The following RHOBTB2 variants were observed in gnomAD, a reference collection of about 807,000 sequenced individuals.
The protein encoded by RHOBTB2 is Rho related BTB domain containing 2.
RHOBTB2 carries 39 observed loss-of-function variants against 66.5 expected under a neutral mutation model. The ratio of observed to expected loss-of-function variants is 0.59; its 90% CI spans 0.45 to 0.77. The LOEUF (loss-of-function observed/expected upper bound fraction) is 0.77, where lower values mean the gene tolerates loss of function less well. Among genes scored for constraint, RHOBTB2 ranks in the 30% least tolerant of loss-of-function variants. RHOBTB2 has a pLI of 0.00. For missense variants in RHOBTB2, 755 were observed against 999.1 expected, an observed-to-expected ratio of 0.76 and a Z score of 3.29; for synonymous variants, 390 against 395.0, an observed-to-expected ratio of 0.99 and a Z score of 0.15.
chr8:22,963,906 C>A, the RHOBTB2 span, among the ~76,000 whole-genome samples: 2 of 151,972 alleles, frequency 1.3e-5, no homozygotes, highest in East Asian at 3.9e-4. Context: ...CTCAGCCTCC[C>A]GAGTAGCTGG....
the RHOBTB2 span, among the ~76,000 whole-genome samples, chr8:22,962,445 C>T: frequency 2.6e-5 from 4 of 152,104 alleles, no homozygotes; most frequent in Admixed American, 2.0e-4. Flanking sequence ...AGGCATTCAC[C>T]GCTTTGAGGA....
chr8:22,970,255 C>T, the RHOBTB2 span, among the ~76,000 whole-genome samples: 5 of 152,150 alleles, frequency 3.3e-5, no homozygotes, highest in East Asian at 1.9e-4. Flanking sequence ...TGCATCCTCA[C>T]GCGGCAGAAG....
chr8:23,007,238 C>T lies in RHOBTB2; in HGVS notation c.993C>T (p.His331=). ...CTGATCAACACCACCACCATCACCACCACCACCATGGGCGAGACTTCCTGC... is the reference window on the plus strand; with the variant it reads ...CTGATCAACACCACCACCATCACCATCACCACCATGGGCGAGACTTCCTGC... ...GHSDQHHHHH[H]HHHGRDFLLR... The change falls in exon 5 of 10, where the codon CAC becomes CAT. Residue 331 remains histidine (H), a synonymous_variant. Coordinates refer to ENST00000251822, the MANE Select transcript of RHOBTB2 (RefSeq NM_015178.3). 1 of 1,610,768 alleles carries T rather than the reference C, an allele frequency of 6.2e-7. No homozygotes were observed. The highest frequency in any genetic ancestry group is 8.5e-7 in the Non-Finnish European group (1 of 1,179,766).
chr8:22,982,745 C>T (rs1431880480), upstream of RHOBTB2, among the ~76,000 whole-genome samples: 2 of 152,210 alleles, frequency 1.3e-5, no homozygotes, highest in African/African-American at 4.8e-5. Context: ...TTATTCCATT[C>T]AGGCTGCTAT....
At chr8:22,995,950 G>C, upstream of RHOBTB2, 1 of 1,448,604 alleles carries the variant, frequency 6.9e-7, no homozygotes, top group Non-Finnish European at 9.5e-7. Context: ...CAGGTTGGAG[G>C]ATGGACTGAG....
rs747558024 is a variant in RHOBTB2 at position 23,017,378 on chromosome 8, A to G, written c.2093A>G (p.Lys698Arg). The G allele has an allele frequency of 1.1e-5, 18 of 1,614,026 alleles. No homozygotes were observed. Among genetic ancestry groups the G allele is most frequent in the Non-Finnish European group, 1.5e-5 (18 of 1,180,018 alleles). ...EDYLHLKRQPKRRWLFWNSPS... is the reference protein window; with the variant it reads ...EDYLHLKRQPRRRWLFWNSPS... ...TACCTCCACCTCAAGCGGCAGCCCA[A>G]ACGGCGTTGGCTCTTCTGGAACAGT... Residue 698 changes from lysine (K) to arginine (R), a missense_variant, in exon 10 of 10, where the codon AAA (lysine) becomes AGA (arginine). By Grantham distance (26) the Lys-to-Arg change is conservative (BLOSUM62 2). Around this residue, in one of 7 missense-constraint regions of RHOBTB2, gnomAD observed 353 missense variants for 458.2 expected, o/e 0.77. Transcript: ENST00000251822. This position sits in a 1 kb window ranked among gnomAD's most constrained non-coding sequence, Gnocchi z 5.3.
the RHOBTB2 span, among the ~76,000 whole-genome samples, chr8:22,951,524 T>C: frequency 8.8e-4 from 134 of 152,260 alleles, no homozygotes; most frequent in African/African-American, 3.0e-3. Flanking sequence ...TTATAGGTTT[T>C]GGGATAGGCG....
chr8:22,964,973 C>T, the RHOBTB2 span, among the ~76,000 whole-genome samples: 16 of 151,896 alleles, frequency 1.1e-4, no homozygotes, highest in East Asian at 1.9e-4. Flanking sequence ...CCCACCACCA[C>T]GCCAGGCTAA....
At chr8:22,979,742 C>CTTTTTTTTTT in the RHOBTB2 span, among the ~76,000 whole-genome samples, 27 of 84,092 alleles carry the variant, frequency 3.2e-4, no homozygotes, top group African/African-American at 6.9e-4. Flanking sequence ...TCTTTTCTTT[C>CTTTTTTTTTT]TTTTTTTTTT....
Position 23,006,659 on chromosome 8 carries a change from G to C in RHOBTB2, c.483-69G>C. Reference sequence around the variant, plus strand: ...CCAGATCCTGAGCAGAGTCCCTCCAGCCTGTGGAAGAACAGGCAGCCTCCC... The same window carrying C: ...CCAGATCCTGAGCAGAGTCCCTCCACCCTGTGGAAGAACAGGCAGCCTCCC... On this transcript the variant is annotated intron_variant, in intron 4 of 9. Transcript: ENST00000251822. The surrounding 1 kb of genome is among the most constrained non-coding windows in gnomAD (Gnocchi z 6.1). 1.4e-6 allele frequency: 2 copies of C among 1,472,276 alleles called. No individual in the cohort carries two copies. The highest frequency in any genetic ancestry group is 4.6e-5 in the East Asian group (2 of 43,902). The allele number at this position is 1,472,276 out of a possible 1,614,324, so 91.2% of individuals were successfully genotyped here. A position where few individuals can be genotyped will look rare whatever the true frequency, so the allele number is the denominator to read the frequency against.
At position 23,006,848 on chromosome 8, in the gene RHOBTB2, C is replaced by T; in HGVS notation, c.603C>T (p.Asp201=). 1 of 1,614,108 alleles carries T rather than the reference C, an allele frequency of 6.2e-7. No individual in the cohort carries two copies. Among genetic ancestry groups the T allele is most frequent in the Non-Finnish European group, 8.5e-7 (1 of 1,179,996 alleles). Residue 201 remains aspartate, a synonymous_variant, in exon 5 of 10, where the codon GAC becomes GAT. Coordinates refer to ENST00000251822, the MANE Select transcript of RHOBTB2 (RefSeq NM_015178.3). This position sits in a 1 kb window ranked among gnomAD's most constrained non-coding sequence, Gnocchi z 6.1. ...VAQFGIKDVF[D]NAIRAALISR... is the part of the protein sequence containing the mutation. The stretch of plus-strand genomic sequence containing the variant: ...AGTTCGGCATCAAGGACGTCTTTGA[C>T]AACGCCATCCGAGCTGCACTCATCT...
chr8:22,994,613 C>T, upstream of RHOBTB2: 3 of 1,551,506 alleles, frequency 1.9e-6, no homozygotes, highest in Non-Finnish European at 2.6e-6. Context: ...GCCCCGATGG[C>T]CCCCAGAAGA....
intron 7 of RHOBTB2, among the ~76,000 whole-genome samples, chr8:23,012,652 T>C (rs1201910148): frequency 6.6e-6 from 1 of 152,194 alleles, no homozygotes; most frequent in Non-Finnish European, 1.5e-5. Context: ...AGGATCTTGC[T>C]CTGTCACGCA....
the RHOBTB2 span, among the ~76,000 whole-genome samples, chr8:22,963,008 C>T: frequency 6.6e-6 from 1 of 152,198 alleles, no homozygotes; most frequent in African/African-American, 2.4e-5. Flanking sequence ...TGGACAGATT[C>T]GAAGGGTCCT....
upstream of RHOBTB2, among the ~76,000 whole-genome samples, chr8:22,983,804 G>C (rs1330516125): frequency 6.6e-6 from 1 of 151,684 alleles, no homozygotes; most frequent in Non-Finnish European, 1.5e-5. Flanking sequence ...GCGCCATCTT[G>C]GCTCATTGCA....
intron 1 of RHOBTB2, among the ~76,000 whole-genome samples, chr8:22,989,835 G>A (rs1047569821): frequency 8.5e-5 from 13 of 152,184 alleles, no homozygotes; most frequent in African/African-American, 2.9e-4. Flanking sequence ...TGTGCTGTGC[G>A]TCTGTCTCCC....
At chr8:22,989,699 T>C (rs1585179011) in intron 1 of RHOBTB2, among the ~76,000 whole-genome samples, 4 of 152,332 alleles carry the variant, frequency 2.6e-5, no homozygotes, top group Middle Eastern at 6.8e-3. Context: ...ACCACAGCGC[T>C]GGGGTCTGAC....
Position 23,014,696 on chromosome 8 carries a change from A to G in RHOBTB2, c.1778A>G (p.Tyr593Cys), listed in dbSNP as rs1328391600. ...GTGGCCGTGTGTGTTACAGAGCAGT[A>G]CACAGTGACCGGGCTGATGGAAGCG... Reference protein sequence around the residue: ...LPHLVALTEQYTVTGLMEATQ... With the variant: ...LPHLVALTEQCTVTGLMEATQ... Residue 593 changes from tyrosine (Y) to cysteine (C), a missense_variant, in exon 8 of 10, where the codon TAC (tyrosine) becomes TGC (cysteine). Physicochemically the swap from Tyr to Cys is radical, Grantham distance 194. This residue lies in a region of RHOBTB2 where 353 missense variants were observed against 458.2 expected (regional missense o/e 0.77). Coordinates refer to ENST00000251822, the MANE Select transcript of RHOBTB2 (RefSeq NM_015178.3). The G allele has an allele frequency of 1.2e-6, 2 of 1,614,036 alleles. No individual in the cohort carries two copies. The highest frequency in any genetic ancestry group is 1.7e-6 in the Non-Finnish European group (2 of 1,179,916).
the RHOBTB2 span, among the ~76,000 whole-genome samples, chr8:22,955,725 A>G: frequency 2.6e-5 from 4 of 152,014 alleles, no homozygotes; most frequent in African/African-American, 9.7e-5. Flanking sequence ...GTGCACCACC[A>G]TGACCAACTA....
Sources: allele counts gnomAD v4.1 joint callset (sites outside exome capture counted in the v4.1 genomes callset), GRCh38; gene constraint gnomAD v4.1.1; regional missense constraint gnomAD v4.1.1; non-coding constraint Gnocchi (gnomAD v3.1); transcripts MANE v1.5; gene names NCBI Gene and HGNC (gene_info 2026-07-23, HGNC 2026-07-21).